PDE5A: variants seen among roughly 807,000 people sequenced by gnomAD.
The protein encoded by PDE5A is phosphodiesterase 5A.
In PDE5A, 67 loss-of-function variants were observed where a neutral mutation model predicts 110.2. That is an observed-to-expected ratio of 0.61 (90% confidence interval 0.50 to 0.75). PDE5A has a LOEUF of 0.75. PDE5A is among the 30% of genes least tolerant of loss of function. The pLI is 0.00. For synonymous variants in PDE5A, 328 were observed against 351.2 expected, an observed-to-expected ratio of 0.93 and a Z score of 0.74; for missense variants, 862 against 1,045.1, an observed-to-expected ratio of 0.82 and a Z score of 2.42.
At position 119,495,732 on chromosome 4, in the gene PDE5A, G is replaced by A. The variant is rs1483539910; in HGVS notation, c.*2869C>T. 1 of 152,218 alleles carries A rather than the reference G, an allele frequency of 6.6e-6. No individual in the cohort carries two copies. The highest frequency in any genetic ancestry group is 2.4e-5 in the African/African-American group (1 of 41,412). The allele number at this position is 152,218 out of a possible 1,614,324, so 9.4% of individuals were successfully genotyped here. A position where few individuals can be genotyped will look rare whatever the true frequency, so the allele number is the denominator to read the frequency against. ...AGTGGTGACAACATCATCATCCTGGGTTTGTACCTTGAAGCAATATACTCA... is the reference window on the plus strand; with the variant it reads ...AGTGGTGACAACATCATCATCCTGGATTTGTACCTTGAAGCAATATACTCA... On this transcript the variant is annotated 3_prime_UTR_variant, in exon 21 of 21. Coordinates refer to ENST00000354960, the MANE Select transcript of PDE5A (RefSeq NM_001083.4).
At chr4:119,502,440 T>C (rs1725382561) in intron 19 of PDE5A, 141 bp downstream of exon 19, 1 of 552,292 alleles carries the variant, frequency 1.8e-6, no homozygotes, top group East Asian at 3.0e-5. Context: ...CATGTATAAT[T>C]CTTCCAATGA....
chr4:119,523,973 T>TA (rs1435096535), intron 12 of PDE5A, among the ~76,000 whole-genome samples: 1 of 151,950 alleles, frequency 6.6e-6, no homozygotes, highest in East Asian at 1.9e-4. Context: ...GATACGGCTT[T>TA]AAAAAAAGAG....
rs923490009 is a variant in PDE5A at position 119,581,439 on chromosome 4, G to A, written c.832-14295C>T. 5.9e-5 allele frequency among the ~76,000 whole-genome samples: 9 copies of A among 152,240 alleles called. No homozygotes were observed. In the East Asian group the frequency reaches 7.7e-4, roughly 13 times the overall value. On this transcript the variant is annotated intron_variant, in intron 3 of 20. Coordinates refer to ENST00000354960, the MANE Select transcript of PDE5A (RefSeq NM_001083.4). ...ATTCAAGAAAAACATGTGTGTGTGCGTGTATATATATGTACATACATAATT... is the reference window on the plus strand; with the variant it reads ...ATTCAAGAAAAACATGTGTGTGTGCATGTATATATATGTACATACATAATT...
At chr4:119,626,919 A>AAAAAAC in intron 1 of PDE5A, among the ~76,000 whole-genome samples, 1 of 151,298 alleles carries the variant, frequency 6.6e-6, no homozygotes, top group Non-Finnish European at 1.5e-5. Context: ...TCCTTAGGAA[A>AAAAAAC]AAAACAAAAC....
intron 2 of PDE5A, among the ~76,000 whole-genome samples, chr4:119,601,388 T>C (rs1283193960): frequency 6.6e-6 from 1 of 152,122 alleles, no homozygotes; most frequent in East Asian, 1.9e-4. Flanking sequence ...GGTGAACATA[T>C]TGATGTGCTG....
chr4:119,537,293 A>G lies in PDE5A; in HGVS notation c.1632+1667T>C, dbSNP rs2110482913. On this transcript the variant is annotated intron_variant, in intron 11 of 20. Transcript: ENST00000354960. ...ACACAAAACATTACAATTTTTGAAT[A>G]GTCTATATTCATTTCTTCCACCATT... Among the ~76,000 whole-genome samples the G allele has an allele frequency of 1.3e-5, 2 of 152,294 alleles. 1 individual carries two copies. Among genetic ancestry groups the G allele is most frequent in the East Asian group, 3.9e-4 (2 of 5,172 alleles).
intron 9 of PDE5A, chr4:119,548,627 C>T (rs776259389): frequency 6.6e-6 from 1 of 152,174 alleles, no homozygotes; most frequent in Non-Finnish European, 1.5e-5. Flanking sequence ...CTAAAGACTA[C>T]TTCTCTGTTT....
At chr4:119,529,978 GA>G (rs1461880211) in intron 11 of PDE5A, among the ~76,000 whole-genome samples, 1 of 152,102 alleles carries the variant, frequency 6.6e-6, no homozygotes, top group Non-Finnish European at 1.5e-5. Context: ...CAGACCTACT[GA>G]ATCAGAAACC....
chr4:119,576,073 A>G (rs1207293434), intron 3 of PDE5A, among the ~76,000 whole-genome samples: 1 of 152,210 alleles, frequency 6.6e-6, no homozygotes, highest in African/African-American at 2.4e-5. Context: ...ACCAACAAAG[A>G]TCAAAAGAGA....
rs894651039 is a variant in PDE5A at position 119,525,905 on chromosome 4, G to C, written c.1633-210C>G. ...ATAAGGGTAATTAATATGGTTCAAA[G>C]TAGGCTAAGTGGAGAAAAGGGAGTT... On this transcript the variant is annotated intron_variant, in intron 11 of 20. Transcript: ENST00000354960. The surrounding 1 kb of genome is among the most constrained non-coding windows in gnomAD (Gnocchi z 4.3). Among the ~76,000 whole-genome samples, 1 of 152,062 alleles carries C rather than the reference G, an allele frequency of 6.6e-6. No homozygotes were observed. The highest frequency in any genetic ancestry group is 2.4e-5 in the African/African-American group (1 of 41,410).
chr4:119,613,672 C>T (rs900678645), intron 1 of PDE5A, among the ~76,000 whole-genome samples: 2 of 152,038 alleles, frequency 1.3e-5, no homozygotes, highest in African/African-American at 4.8e-5. Context: ...TGGGTAATCA[C>T]TTCGATGGTC....
rs201325064 is a variant in PDE5A at position 119,501,273 on chromosome 4, C to T, written c.2407-20G>A. 4 of 1,345,964 alleles carry T rather than the reference C, an allele frequency of 3.0e-6. No homozygotes were observed. Among genetic ancestry groups the T allele is most frequent in the Non-Finnish European group, 4.3e-6 (4 of 937,146 alleles). 83.4% of individuals were successfully genotyped at this position (1,345,964 alleles called of 1,614,324 possible). The stretch of plus-strand genomic sequence containing the variant: ...TAGATCCTGAAAATACAAATACAGA[C>T]CAGACACACAGATGTGCATTTATTT... On this transcript the variant is annotated intron_variant, in intron 19 of 20. Coordinates refer to ENST00000354960, the MANE Select transcript of PDE5A (RefSeq NM_001083.4).
intron 1 of PDE5A, 41 bp downstream of exon 1, chr4:119,628,479 A>C: frequency 2.0e-6 from 3 of 1,476,996 alleles, no homozygotes; most frequent in Non-Finnish European, 2.8e-6. Context: ...TCAACAGGGG[A>C]GAGAAATCAG....
At chr4:119,593,421 A>G (rs1729048165) in intron 3 of PDE5A, among the ~76,000 whole-genome samples, 1 of 152,270 alleles carries the variant, frequency 6.6e-6, no homozygotes, top group Non-Finnish European at 1.5e-5. Flanking sequence ...AACTACTGAT[A>G]CATCCAACAG....
At position 119,627,444 on chromosome 4, in the gene PDE5A, T is replaced by C. The variant is rs570442667; in HGVS notation, c.152+1076A>G. On this transcript the variant is annotated intron_variant, in intron 1 of 20. Coordinates refer to ENST00000354960, the MANE Select transcript of PDE5A (RefSeq NM_001083.4). This position sits in a 1 kb window ranked among gnomAD's most constrained non-coding sequence, Gnocchi z 4.6. ...CCCGGGCGGGCTCCTCGACCATCAC[T>C]GCCGGGCGTGTGTCACCCTCCCGGC... 1 of 260,618 alleles carries C rather than the reference T, an allele frequency of 3.8e-6. No individual in the cohort carries two copies. Among genetic ancestry groups the C allele is most frequent in the South Asian group, 1.4e-4 (1 of 6,966 alleles). 16.1% of individuals were successfully genotyped at this position (260,618 alleles called of 1,614,324 possible). A position where few individuals can be genotyped will look rare whatever the true frequency, so the allele number is the denominator to read the frequency against.
At chr4:119,541,916 T>C (rs1722573954) in intron 10 of PDE5A, 1 of 152,176 alleles carries the variant, frequency 6.6e-6, no homozygotes, top group African/African-American at 2.4e-5. Flanking sequence ...GAATCAGAAC[T>C]TTCAGAAGTA....
intron 2 of PDE5A, among the ~76,000 whole-genome samples, chr4:119,597,174 C>T (rs3756154): frequency 0.76 from 115,210 of 151,910 alleles, 44,020 homozygotes; most frequent in East Asian, 0.89. Context: ...ATTATACACA[C>T]CCAATAATCA....
At chr4:119,551,126 A>G (rs2110495006) in intron 9 of PDE5A, among the ~76,000 whole-genome samples, 1 of 152,314 alleles carries the variant, frequency 6.6e-6, no homozygotes, top group East Asian at 1.9e-4. Flanking sequence ...AGATTAGCAT[A>G]CTGAAGACTG....
intron 7 of PDE5A, among the ~76,000 whole-genome samples, chr4:119,557,960 A>T (rs183284227): frequency 1.5e-3 from 232 of 152,352 alleles, no homozygotes; most frequent in African/African-American, 5.4e-3. Context: ...AAAAGGATTA[A>T]TTCTATGTAT....
Sources: allele counts gnomAD v4.1 joint callset (sites outside exome capture counted in the v4.1 genomes callset), GRCh38; gene constraint gnomAD v4.1.1; non-coding constraint Gnocchi (gnomAD v3.1); transcripts MANE v1.5; gene names NCBI Gene and HGNC (gene_info 2026-07-23, HGNC 2026-07-21).